PTBP3: variants seen among roughly 807,000 people sequenced by gnomAD.
The protein encoded by PTBP3 is polypyrimidine tract-binding protein 3.
A neutral mutation model predicts 58.7 loss-of-function variants in PTBP3; 20 were observed. The observed-to-expected ratio is 0.34, with a 90% CI of 0.24 to 0.50. The LOEUF (loss-of-function observed/expected upper bound fraction) is 0.50, where lower values mean the gene tolerates loss of function less well. Among genes scored for constraint, PTBP3 ranks in the 20% least tolerant of loss-of-function variants. PTBP3 has a pLI of 0.98. For missense variants in PTBP3, 509 were observed against 637.2 expected (o/e 0.80, Z 2.17); for synonymous variants, 185 against 219.8 (o/e 0.84, Z 1.40).
chr9:112,333,257 G>C (rs1047602831), intron 1 of PTBP3, among the ~76,000 whole-genome samples: 1 of 152,114 alleles, frequency 6.6e-6, no homozygotes, highest in African/African-American at 2.4e-5. Flanking sequence ...GGGGCGCCGC[G>C]TGGGGAAAGG....
chr9:112,333,092 G>C, intron 1 of PTBP3: 1 of 1,269,196 alleles, frequency 7.9e-7, no homozygotes, highest in Admixed American at 4.2e-5. Flanking sequence ...GCCTCCCCCA[G>C]CGCCGCGCAC....
chr9:112,298,664 A>G, intron 1 of PTBP3: 1 of 394,512 alleles, frequency 2.5e-6, no homozygotes, highest in Non-Finnish European at 5.0e-6. Flanking sequence ...GTTTTGATAC[A>G]CTGGATAATA....
intron 6 of PTBP3, among the ~76,000 whole-genome samples, chr9:112,251,959 T>C (rs890731991): frequency 2.0e-5 from 3 of 152,166 alleles, no homozygotes; most frequent in East Asian, 3.8e-4. Flanking sequence ...CCACAAGCCA[T>C]AGTCCTCATC....
chr9:112,221,241 G>C lies in PTBP3; in HGVS notation c.*2610C>G, dbSNP rs1308788293. On this transcript the variant is annotated 3_prime_UTR_variant, in exon 14 of 14. Transcript: ENST00000374257. ...CATATGTATATACAACTTTAGAAGAGTGTATTTATGTATATACACTTATCT... is the reference window on the plus strand; with the variant it reads ...CATATGTATATACAACTTTAGAAGACTGTATTTATGTATATACACTTATCT... The C allele has an allele frequency of 4.1e-6, 4 of 984,474 alleles. No individual in the cohort carries two copies. The highest frequency in any genetic ancestry group is 4.8e-6 in the Non-Finnish European group (4 of 828,926). 61.0% of individuals were successfully genotyped at this position (984,474 alleles called of 1,614,324 possible).
At chr9:112,265,290 C>T (rs1346724259) in intron 4 of PTBP3, among the ~76,000 whole-genome samples, 1 of 151,992 alleles carries the variant, frequency 6.6e-6, no homozygotes, top group Admixed American at 6.6e-5. Flanking sequence ...ATCACCTGAC[C>T]TCAGGAGTTC....
At chr9:112,263,072 T>C (rs148391846) in intron 4 of PTBP3, among the ~76,000 whole-genome samples, 232 of 152,254 alleles carry the variant, frequency 1.5e-3, no homozygotes, top group Non-Finnish European at 2.5e-3. Context: ...TAAAATATTT[T>C]TGTTTTGGGG....
chr9:112,298,050 C>G, intron 1 of PTBP3, 134 bp from the exon 2 acceptor site: 1 of 657,802 alleles, frequency 1.5e-6, no homozygotes, highest in Non-Finnish European at 2.5e-6. Context: ...CCTCAAGAAT[C>G]ACAAAATCAA....
intron 7 of PTBP3, among the ~76,000 whole-genome samples, chr9:112,243,783 G>T (rs1304792445): frequency 6.6e-6 from 1 of 152,076 alleles, no homozygotes; most frequent in East Asian, 1.9e-4. Context: ...GCTTATGTTA[G>T]GTATCATTTT....
rs1431286655 is a variant in PTBP3, at chr9:112,221,450, T to C, written c.*2401A>G. The stretch of plus-strand genomic sequence containing the variant: ...CTTATGCTGAATGTTATGAGAATCA[T>C]GAATTAATAAATTACACAGTAATTC... On this transcript the variant is annotated 3_prime_UTR_variant, in exon 14 of 14. Transcript: ENST00000374257. 1 of 985,600 alleles carries C rather than the reference T, an allele frequency of 1.0e-6. No homozygotes were observed. The highest frequency in any genetic ancestry group is 1.2e-6 in the Non-Finnish European group (1 of 829,728). 61.1% of individuals were successfully genotyped at this position (985,600 alleles called of 1,614,324 possible).
chr9:112,288,789 T>C lies in PTBP3; in HGVS notation c.34+9043A>G, dbSNP rs148287796. ...TAATTCTTAGAGCAGCTTTAAGCTA[T>C]TGCTTAATAATTTGATGGATTTAAG... On this transcript the variant is annotated intron_variant, in intron 2 of 13. Transcript: ENST00000374257. Among the ~76,000 whole-genome samples the C allele has an allele frequency of 3.8e-3, 576 of 152,364 alleles. 5 individuals are homozygous for C. Among genetic ancestry groups the C allele is most frequent in the African/African-American group, 0.013 (555 of 41,586 alleles).
intron 7 of PTBP3, among the ~76,000 whole-genome samples, chr9:112,246,942 G>A (rs1464676855): frequency 2.6e-5 from 4 of 152,094 alleles, no homozygotes. Flanking sequence ...GCTCAAAAAT[G>A]TATACAATGA....
intron 4 of PTBP3, among the ~76,000 whole-genome samples, chr9:112,264,738 G>C (rs1369186651): frequency 6.6e-6 from 1 of 152,166 alleles, no homozygotes; most frequent in African/African-American, 2.4e-5. Flanking sequence ...GCAACAAGAT[G>C]GAAAAAGTAT....
intron 2 of PTBP3, among the ~76,000 whole-genome samples, chr9:112,286,489 T>C (rs1001754948): frequency 1.3e-5 from 2 of 152,212 alleles, no homozygotes; most frequent in Non-Finnish European, 2.9e-5. Context: ...GAGTAGACAA[T>C]ATACATCTTT....
chr9:112,246,566 A>G (rs12236549), intron 7 of PTBP3, among the ~76,000 whole-genome samples: 85,638 of 150,962 alleles, frequency 0.57, 26,381 homozygotes, highest in African/African-American at 0.83. Context: ...AGTGGCGGGC[A>G]CCTGTAGTCC....
chr9:112,345,367 A>G, the PTBP3 span, among the ~76,000 whole-genome samples: 2 of 110,044 alleles, frequency 1.8e-5, no homozygotes, highest in African/African-American at 8.1e-5. Flanking sequence ...AAAAAAAAAA[A>G]AAAGGAAAAA....
the PTBP3 span, among the ~76,000 whole-genome samples, chr9:112,368,627 C>A: frequency 1.8e-4 from 28 of 152,278 alleles, 1 homozygote; most frequent in Admixed American, 1.6e-3. Context: ...ACACATGGGC[C>A]TTCCCATTAT....
intron 4 of PTBP3, among the ~76,000 whole-genome samples, chr9:112,263,010 C>T (rs1294417200): frequency 3.3e-5 from 5 of 152,038 alleles, no homozygotes; most frequent in African/African-American, 1.2e-4. Flanking sequence ...CCAAGGCACT[C>T]TAAAAGAATA....
chr9:112,333,322 G>C (rs1324827711), intron 1 of PTBP3, 148 bp downstream of exon 1: 1 of 1,047,892 alleles, frequency 9.5e-7, no homozygotes, highest in Non-Finnish European at 1.3e-6. Flanking sequence ...CGAGACGCCC[G>C]GAAGCCCCGC....
chr9:112,300,818 C>T (rs1406785350), intron 1 of PTBP3, among the ~76,000 whole-genome samples: 2 of 151,904 alleles, frequency 1.3e-5, no homozygotes, highest in Non-Finnish European at 2.9e-5. Flanking sequence ...TACAAAAACC[C>T]GGGCACAGTG....
Sources: allele counts gnomAD v4.1 joint callset (sites outside exome capture counted in the v4.1 genomes callset), GRCh38; gene constraint gnomAD v4.1.1; transcripts MANE v1.5; gene names NCBI Gene and HGNC (gene_info 2026-07-23, HGNC 2026-07-21).